Variants in EPHA3 observed in about 807,000 individuals in gnomAD.
EPHA3 encodes the protein EPH receptor A3, also known as ephrin type-A receptor 3.
EPHA3 carries 42 observed loss-of-function variants against 107.1 expected under a neutral mutation model. That is an observed-to-expected ratio of 0.39 (90% confidence interval 0.31 to 0.51). The LOEUF (loss-of-function observed/expected upper bound fraction) is 0.51, where lower values mean the gene tolerates loss of function less well. Among genes scored for constraint, EPHA3 ranks in the 20% least tolerant of loss-of-function variants. The pLI, the probability that EPHA3 is intolerant of heterozygous loss-of-function variation, is 0.78. For synonymous variants in EPHA3, 461 were observed against 424.8 expected (o/e 1.09, Z -1.05); for missense variants, 1,183 against 1,211.2 (o/e 0.98, Z 0.35).
chr3:89,358,377 C>T (rs1455693879), intron 5 of EPHA3, among the ~76,000 whole-genome samples: 3 of 151,010 alleles, frequency 2.0e-5, no homozygotes, highest in African/African-American at 7.3e-5. Flanking sequence ...TAGATAACTC[C>T]AGGTTTTCTT....
chr3:89,196,579 A>G (rs892339426), intron 2 of EPHA3, among the ~76,000 whole-genome samples: 1 of 148,274 alleles, frequency 6.7e-6, no homozygotes, highest in Non-Finnish European at 1.5e-5. Flanking sequence ...GTCCAAACTC[A>G]GTTGGAATTT....
chr3:89,222,605 C>T (rs977822999), intron 3 of EPHA3, among the ~76,000 whole-genome samples: 1 of 151,380 alleles, frequency 6.6e-6, no homozygotes. Context: ...AGTACATATA[C>T]ATTTTTAGTA....
At chr3:89,421,323 A>G (rs567483635) in intron 11 of EPHA3, among the ~76,000 whole-genome samples, 1 of 151,436 alleles carries the variant, frequency 6.6e-6, no homozygotes, top group South Asian at 2.1e-4. Context: ...AATTAAAAAA[A>G]ATATTGATGA....
intron 5 of EPHA3, among the ~76,000 whole-genome samples, chr3:89,345,372 G>A (rs1707620195): frequency 6.6e-6 from 1 of 151,138 alleles, no homozygotes; most frequent in Non-Finnish European, 1.5e-5. Context: ...TTGGAATTCA[G>A]CATGTGTATG....
At position 89,279,387 on chromosome 3, in the gene EPHA3, AC is replaced by A. The variant is rs1346476396; in HGVS notation, c.815-61528del. On this transcript the variant is annotated intron_variant, in intron 3 of 16. Coordinates refer to ENST00000336596, the MANE Select transcript of EPHA3 (RefSeq NM_005233.6). Reference sequence around the variant, plus strand: ...ACTTTAATATTTATAATCATTGAATACATTATATTCATAATAACTTATGTTT... The same window carrying A: ...ACTTTAATATTTATAATCATTGAATAATTATATTCATAATAACTTATGTTT... Among the ~76,000 whole-genome samples, 7 of 152,316 alleles carry A rather than the reference AC, an allele frequency of 4.6e-5. No individual in the cohort carries two copies. The South Asian group carries it at 1.4e-3, about 32-fold the overall frequency.
At chr3:89,454,106 G>A (rs531396277) in intron 15 of EPHA3, among the ~76,000 whole-genome samples, 1 of 152,060 alleles carries the variant, frequency 6.6e-6, no homozygotes, top group South Asian at 2.1e-4. Flanking sequence ...GAATCTCCAG[G>A]AAAAGAGAAT....
At chr3:89,271,063 G>A (rs1480402268) in intron 3 of EPHA3, among the ~76,000 whole-genome samples, 4 of 151,902 alleles carry the variant, frequency 2.6e-5, no homozygotes, top group Non-Finnish European at 5.9e-5. Context: ...TGTAGCTATT[G>A]TACAAACAAA....
chr3:89,459,391 C>A (rs964227229), intron 15 of EPHA3, among the ~76,000 whole-genome samples: 3 of 151,708 alleles, frequency 2.0e-5, no homozygotes, highest in Non-Finnish European at 4.4e-5. Context: ...AGAAATGTTT[C>A]TTCTTTCTTC....
intron 15 of EPHA3, among the ~76,000 whole-genome samples, chr3:89,452,304 C>CA (rs1710009777): frequency 6.6e-6 from 1 of 152,086 alleles, no homozygotes; most frequent in African/African-American, 2.4e-5. Flanking sequence ...ATGGCTGTTC[C>CA]AATTTACATT....
At chr3:89,130,326 C>T (rs752735089) in intron 2 of EPHA3, among the ~76,000 whole-genome samples, 2 of 152,124 alleles carry the variant, frequency 1.3e-5, no homozygotes, top group Non-Finnish European at 2.9e-5. Context: ...TGGGAGACTG[C>T]CAGCTCCCTC....
At chr3:89,309,128 G>A (rs1706702726) in intron 3 of EPHA3, among the ~76,000 whole-genome samples, 3 of 152,098 alleles carry the variant, frequency 2.0e-5, no homozygotes, top group Admixed American at 1.3e-4. Context: ...AAGAAAAAGA[G>A]CCTTTGGATT....
intron 2 of EPHA3, among the ~76,000 whole-genome samples, chr3:89,142,021 T>G (rs1384672195): frequency 6.6e-6 from 1 of 151,420 alleles, no homozygotes; most frequent in East Asian, 1.9e-4. Context: ...AGGTAGAGTA[T>G]ATATAGAAGC....
At chr3:89,382,930 CAGATG>C in intron 5 of EPHA3, among the ~76,000 whole-genome samples, 1 of 152,240 alleles carries the variant, frequency 6.6e-6, no homozygotes, top group South Asian at 2.1e-4. Context: ...AGTGAGGCCT[CAGATG>C]CCAGAGCATC....
chr3:89,296,470 G>T (rs1706355493), intron 3 of EPHA3, among the ~76,000 whole-genome samples: 1 of 152,250 alleles, frequency 6.6e-6, no homozygotes, highest in African/African-American at 2.4e-5. Context: ...GTAATATTCT[G>T]AAAGAAATCT....
chr3:89,156,591 T>C (rs1278158232), intron 2 of EPHA3, among the ~76,000 whole-genome samples: 1 of 152,000 alleles, frequency 6.6e-6, no homozygotes, highest in Non-Finnish European at 1.5e-5. Flanking sequence ...CACTGTTAGG[T>C]AAAACTTAAG....
At chr3:89,114,504 T>A (rs1707205023) in intron 1 of EPHA3, among the ~76,000 whole-genome samples, 1 of 152,158 alleles carries the variant, frequency 6.6e-6, no homozygotes, top group Non-Finnish European at 1.5e-5. Flanking sequence ...CGTAACGCAG[T>A]CTCAGCCCTC....
At chr3:89,419,866 CT>C (rs1709322502) in intron 11 of EPHA3, among the ~76,000 whole-genome samples, 1 of 151,326 alleles carries the variant, frequency 6.6e-6, no homozygotes, top group Non-Finnish European at 1.5e-5. Flanking sequence ...TGCTTCTGAG[CT>C]GTACAGATTG....
At chr3:89,353,459 G>T (rs747497475) in intron 5 of EPHA3, among the ~76,000 whole-genome samples, 1 of 151,156 alleles carries the variant, frequency 6.6e-6, no homozygotes, top group African/African-American at 2.4e-5. Context: ...TTAACATTTT[G>T]TTTATCTCAA....
chr3:89,473,563 A>C (rs1174202127), intron 16 of EPHA3, among the ~76,000 whole-genome samples: 2 of 152,180 alleles, frequency 1.3e-5, no homozygotes, highest in Non-Finnish European at 2.9e-5. Context: ...TTTTCTGCAC[A>C]GTGACATTTT....
Sources: gnomAD v4.1 joint callset for allele counts (sites outside exome capture counted in the v4.1 genomes callset) on GRCh38, gnomAD v4.1.1 for gene constraint, MANE v1.5 for transcripts, NCBI Gene and HGNC (gene_info 2026-07-23, HGNC 2026-07-21) for gene names.